The following ITGAE variants were observed in gnomAD, a reference collection of about 807,000 sequenced individuals.
ITGAE encodes integrin subunit alpha E.
In ITGAE, 99 loss-of-function variants were observed where a neutral mutation model predicts 136.5. The ratio of observed to expected loss-of-function variants is 0.73; its 90% CI spans 0.62 to 0.86. ITGAE has a LOEUF of 0.86. Among genes scored for constraint, ITGAE ranks in the 40% least tolerant of loss-of-function variants. The pLI, the probability that ITGAE is intolerant of heterozygous loss-of-function variation, is 0.00. For synonymous variants in ITGAE, 613 were observed against 591.8 expected, an observed-to-expected ratio of 1.04 and a Z score of -0.52; for missense variants, 1,447 against 1,515.3, an observed-to-expected ratio of 0.95 and a Z score of 0.75.
At chr17:3,797,161 T>A (rs71368154) in intron 1 of ITGAE, among the ~76,000 whole-genome samples, 4,454 of 17,114 alleles carry the variant, frequency 0.26, 108 homozygotes, top group Middle Eastern at 0.37. Flanking sequence ...ATATATATTT[T>A]TTTTTTTTTT....
At position 3,755,838 on chromosome 17, in the gene ITGAE, G is replaced by A; in HGVS notation, c.1231C>T (p.Leu411=). The change falls in exon 11 of 31, where the codon CTG becomes TTG. Residue 411 remains leucine, a synonymous_variant. Coordinates refer to ENST00000263087, the MANE Select transcript of ITGAE (RefSeq NM_002208.5). Reference sequence around the variant, plus strand: ...CTGAGTCAGCCACGTACCTCATCCAGGATCTGAGCACTGAAGCCAATCTGT... The same window carrying A: ...CTGAGTCAGCCACGTACCTCATCCAAGATCTGAGCACTGAAGCCAATCTGT... The part of the protein sequence containing the change: ...LAQIGFSAQI[L]DERQVLLGAV... 1 of 1,595,086 alleles carries A rather than the reference G, an allele frequency of 6.3e-7. No individual in the cohort carries two copies. Among genetic ancestry groups the A allele is most frequent in the South Asian group, 1.1e-5 (1 of 87,664 alleles).
chr17:3,778,741 C>T (rs1358127585), intron 1 of ITGAE, among the ~76,000 whole-genome samples: 4 of 152,112 alleles, frequency 2.6e-5, no homozygotes, highest in African/African-American at 9.7e-5. Flanking sequence ...CTTATTTGGC[C>T]TTTCCATGAA....
chr17:3,796,290 C>T (rs759325550), intron 1 of ITGAE, among the ~76,000 whole-genome samples: 1 of 152,008 alleles, frequency 6.6e-6, no homozygotes, highest in African/African-American at 2.4e-5. Context: ...AGACTGGACT[C>T]GCCCCAGGCC....
At chr17:3,794,223 C>T (rs912608301) in intron 1 of ITGAE, among the ~76,000 whole-genome samples, 5 of 152,156 alleles carry the variant, frequency 3.3e-5, no homozygotes, top group South Asian at 2.1e-4. Context: ...GTGATCCGCC[C>T]GCCTCGGCCT....
chr17:3,774,821 A>T (rs1050112148), intron 2 of ITGAE, among the ~76,000 whole-genome samples: 10 of 152,166 alleles, frequency 6.6e-5, no homozygotes, highest in African/African-American at 2.4e-4. Flanking sequence ...GACACATGGG[A>T]AATTCAAATG....
At chr17:3,761,554 G>T in intron 4 of ITGAE, 34 bp from the exon 5 acceptor site, 2 of 1,563,376 alleles carry the variant, frequency 1.3e-6, no homozygotes, top group South Asian at 1.2e-5. Flanking sequence ...GGAAACACCA[G>T]GTCACCTCCC....
At chr17:3,715,030 C>A in intron 30 of ITGAE, 88 bp from the exon 31 acceptor site, 1 of 711,066 alleles carries the variant, frequency 1.4e-6, no homozygotes, top group South Asian at 1.6e-5. Context: ...GCCTAAATAG[C>A]CCCTATATTC....
Position 3,732,357 on chromosome 17 carries a change from A to G in ITGAE, c.2754+11T>C. 2.5e-6 allele frequency: 4 copies of G among 1,606,252 alleles called. No homozygotes were observed. The highest frequency in any genetic ancestry group is 3.4e-6 in the Non-Finnish European group (4 of 1,172,854). ...GTGGTGAGAAGAGCGAATCAGTCCA[A>G]ACCGACTCACAGATGACCTCTTGAG... On this transcript the variant is annotated intron_variant, in intron 22 of 30. Coordinates refer to ENST00000263087, the MANE Select transcript of ITGAE (RefSeq NM_002208.5).
chr17:3,785,464 GAAAGAAGAAAGA>G (rs2052760602), intron 1 of ITGAE, among the ~76,000 whole-genome samples: 1 of 147,804 alleles, frequency 6.8e-6, no homozygotes, highest in African/African-American at 2.5e-5. Context: ...TGAGACTTGG[GAAAGAAGAAAGA>G]AAGGAAGGAA....
Position 3,773,089 on chromosome 17 carries a change from G to A in ITGAE, c.155+4451C>T, listed in dbSNP as rs181308517. ...CGCCGGTTATTTCACCTGTGCTTTC[G>A]ACCAAACAACCATATCAGGGTTTCT... On this transcript the variant is annotated intron_variant, in intron 2 of 30. Coordinates refer to ENST00000263087, the MANE Select transcript of ITGAE (RefSeq NM_002208.5). Among the ~76,000 whole-genome samples the A allele has an allele frequency of 1.9e-3, 288 of 152,244 alleles. 4 individuals are homozygous for A. Among genetic ancestry groups the A allele is most frequent in the African/African-American group, 6.5e-3 (269 of 41,554 alleles).
chr17:3,723,368 G>A lies in ITGAE; in HGVS notation c.3157C>T (p.His1053Tyr), dbSNP rs1351642048. The A allele has an allele frequency of 6.2e-7, 1 of 1,612,772 alleles. No homozygotes were observed. The highest frequency in any genetic ancestry group is 8.5e-7 in the Non-Finnish European group (1 of 1,178,858). Residue 1053 changes from histidine (H) to tyrosine (Y), a missense_variant, in exon 28 of 31, where the codon CAT (histidine) becomes TAT (tyrosine). Physicochemically the swap from His to Tyr is moderately conservative, Grantham distance 83. This residue lies in a region of ITGAE where 1,031 missense variants were observed against 1,011.4 expected (regional missense o/e 1.02). Transcript: ENST00000263087. ...GAAGCGATGACACAGCTCACTGAAT[G>A]CCATTCTTCCACATGCTGGAAAAGC... ...YSSVQHVEEW[H>Y]SVSCVIASDK...
chr17:3,744,655 G>A (rs2051671121), intron 18 of ITGAE, among the ~76,000 whole-genome samples: 1 of 151,658 alleles, frequency 6.6e-6, no homozygotes, highest in Non-Finnish European at 1.5e-5. Context: ...TACCACATTG[G>A]TCAGGCCGGT....
intron 1 of ITGAE, among the ~76,000 whole-genome samples, chr17:3,794,443 G>A (rs12103830): frequency 0.018 from 2,697 of 152,196 alleles, 108 homozygotes; most frequent in African/African-American, 0.061. Context: ...TATTGCCAGT[G>A]ACTGCCCCCT....
chr17:3,755,096 A>C, intron 12 of ITGAE, 21 bp downstream of exon 12: 1 of 1,554,964 alleles, frequency 6.4e-7, no homozygotes, highest in Non-Finnish European at 8.7e-7. Flanking sequence ...CCCCGCCCTC[A>C]TCAGGTGGCC....
intron 1 of ITGAE, among the ~76,000 whole-genome samples, chr17:3,800,297 C>G (rs1206079912): frequency 6.6e-6 from 1 of 152,082 alleles, no homozygotes; most frequent in Non-Finnish European, 1.5e-5. Flanking sequence ...ACTCAGCTAC[C>G]AGGAGCCTTT....
intron 12 of ITGAE, 107 bp downstream of exon 12, chr17:3,755,010 G>GC (rs1447611206): frequency 1.1e-5 from 13 of 1,168,774 alleles, no homozygotes; most frequent in African/African-American, 1.8e-5. Context: ...GCCCAGGTAG[G>GC]CCCCGCCCTC....
intron 17 of ITGAE, 72 bp downstream of exon 17, chr17:3,747,850 C>A: frequency 2.4e-6 from 1 of 409,650 alleles, no homozygotes; most frequent in South Asian, 2.1e-5. Flanking sequence ...AGTCCTCTTT[C>A]CCTGCCCCTT....
chr17:3,733,731 C>T (rs2051398783), intron 21 of ITGAE, among the ~76,000 whole-genome samples: 1 of 152,212 alleles, frequency 6.6e-6, no homozygotes, highest in Non-Finnish European at 1.5e-5. Flanking sequence ...AAAAACTACA[C>T]TATTGTGTGT....
At chr17:3,745,521 T>C (rs2051690474) in intron 18 of ITGAE, among the ~76,000 whole-genome samples, 1 of 152,148 alleles carries the variant, frequency 6.6e-6, no homozygotes, top group South Asian at 2.1e-4. Context: ...TTTGTGTTTT[T>C]AGTGGAGACA....
Sources: allele counts gnomAD v4.1 joint callset (sites outside exome capture counted in the v4.1 genomes callset), GRCh38; gene constraint gnomAD v4.1.1; regional missense constraint gnomAD v4.1.1; transcripts MANE v1.5; gene names NCBI Gene and HGNC (gene_info 2026-07-23, HGNC 2026-07-21).